Variants in AFF1 observed in about 807,000 individuals in gnomAD.
The protein encoded by AFF1 is ALF transcription elongation factor 1, also known as AF4/FMR2 family member 1.
AFF1 carries 48 observed loss-of-function variants against 121.7 expected under a neutral mutation model. The ratio of observed to expected loss-of-function variants is 0.39; its 90% CI spans 0.31 to 0.50. The LOEUF is 0.50. Among genes scored for constraint, AFF1 ranks in the 20% least tolerant of loss-of-function variants. The pLI is 0.76. For synonymous variants in AFF1, 613 were observed against 563.0 expected (o/e 1.09, Z -1.26); for missense variants, 1,523 against 1,511.7 (o/e 1.01, Z -0.12).
At chr4:87,120,849 A>G (rs114254545) in intron 12 of AFF1, among the ~76,000 whole-genome samples, 400 of 152,274 alleles carry the variant, frequency 2.6e-3, no homozygotes, top group Non-Finnish European at 3.7e-3. Context: ...GTTCTGGAAA[A>G]AGCCACCTTT....
chr4:87,030,448 A>C lies in AFF1; in HGVS notation c.39-15718A>C, dbSNP rs148912936. On this transcript the variant is annotated intron_variant, in intron 2 of 20. Transcript: ENST00000395146. ...TTTTATTTCTTGCTAACTTTAAGGAACATTTTAAAGTTGAAATTTAAAGAT... is the reference window on the plus strand; with the variant it reads ...TTTTATTTCTTGCTAACTTTAAGGACCATTTTAAAGTTGAAATTTAAAGAT... Among the ~76,000 whole-genome samples, 140 of 152,364 alleles carry C rather than the reference A, an allele frequency of 9.2e-4. 1 individual carries two copies. The highest frequency in any genetic ancestry group is 2.9e-3 in the African/African-American group (120 of 41,590).
At chr4:87,019,888 G>GA (rs1553918036) in intron 2 of AFF1, among the ~76,000 whole-genome samples, 29 of 41,456 alleles carry the variant, frequency 7.0e-4, no homozygotes, top group African/African-American at 1.3e-3. Context: ...AGGGGTCGGG[G>GA]GGGGGCAGTC....
intron 7 of AFF1, 53 bp downstream of exon 7, chr4:87,091,882 C>T: frequency 1.5e-6 from 2 of 1,335,276 alleles, no homozygotes; most frequent in South Asian, 1.4e-5. Flanking sequence ...ATAGCTTTTA[C>T]TGTTTAACGT....
chr4:87,069,808 C>A (rs1051304704), intron 4 of AFF1, among the ~76,000 whole-genome samples: 1 of 148,382 alleles, frequency 6.7e-6, no homozygotes, highest in African/African-American at 2.5e-5. Flanking sequence ...TATTCCTTAT[C>A]ACTCAGGATT....
chr4:87,040,871 CTTT>C (rs780348229), intron 2 of AFF1, among the ~76,000 whole-genome samples: 9 of 67,106 alleles, frequency 1.3e-4, no homozygotes, highest in African/African-American at 5.8e-4. Context: ...CCATGCCCTG[CTTT>C]TTTTTTTTTT....
chr4:87,105,624 C>A lies in AFF1; in HGVS notation c.1284-4C>A. The A allele has an allele frequency of 6.2e-7, 1 of 1,614,168 alleles. No homozygotes were observed. The highest frequency in any genetic ancestry group is 8.5e-7 in the Non-Finnish European group (1 of 1,180,036). On this transcript the variant is annotated splice_region_variant and splice_polypyrimidine_tract_variant and intron_variant, in intron 8 of 20. Coordinates refer to ENST00000395146, the MANE Select transcript of AFF1 (RefSeq NM_001166693.3). ...ATTCTTCTCTGTGTCCCTGCCCATT[C>A]CAGCATGCTCGAAGACGACCTTCAG...
rs530549229 is a variant in AFF1 at position 87,117,853 on chromosome 4, C to A, written c.2466+2554C>A. 1.1e-3 allele frequency among the ~76,000 whole-genome samples: 168 copies of A among 152,188 alleles called. 1 individual carries two copies. The highest frequency in any genetic ancestry group is 4.0e-3 in the African/African-American group (165 of 41,530). ...TTTCTGTAGAGGACAGGTTGTCCCC[C>A]CTTCCTCATTAGCGCCCTGACTGCT... On this transcript the variant is annotated intron_variant, in intron 12 of 20. Transcript: ENST00000395146.
In AFF1 at chr4:86,935,076, G is replaced by C. The variant is rs1748335769; in HGVS notation, c.-201G>C. On this transcript the variant is annotated 5_prime_UTR_variant, in exon 1 of 21. Coordinates refer to ENST00000395146, the MANE Select transcript of AFF1 (RefSeq NM_001166693.3). Reference sequence around the variant, plus strand: ...CTCGGCCGCCGCCTGCGCGCGTTGCGGCCGCAGCTGCACCTTTGCCTCCGC... The same window carrying C: ...CTCGGCCGCCGCCTGCGCGCGTTGCCGCCGCAGCTGCACCTTTGCCTCCGC... 1 of 152,054 alleles carries C rather than the reference G, an allele frequency of 6.6e-6. No homozygotes were observed. Among genetic ancestry groups the C allele is most frequent in the South Asian group, 2.1e-4 (1 of 4,832 alleles). 9.4% of individuals were successfully genotyped at this position (152,054 alleles called of 1,614,324 possible).
At chr4:86,960,304 G>A (rs574427977) in intron 2 of AFF1, among the ~76,000 whole-genome samples, 3 of 152,230 alleles carry the variant, frequency 2.0e-5, no homozygotes, top group African/African-American at 7.2e-5. Context: ...CAGGTATCCT[G>A]CATGTGTTGA....
chr4:86,986,070 T>C (rs1445434321), intron 2 of AFF1, among the ~76,000 whole-genome samples: 1 of 151,336 alleles, frequency 6.6e-6, no homozygotes. Context: ...TAATTTAATT[T>C]AATTTAATTT....
intron 2 of AFF1, among the ~76,000 whole-genome samples, chr4:87,010,779 G>GATACCTTCAAATACT: frequency 6.6e-6 from 1 of 152,110 alleles, no homozygotes; most frequent in East Asian, 1.9e-4. Flanking sequence ...TACTATCAGG[G>GATACCTTCAAATACT]ATTAGCCAGT....
intron 2 of AFF1, among the ~76,000 whole-genome samples, chr4:86,970,981 T>G (rs1218005711): frequency 1.3e-5 from 2 of 152,122 alleles, no homozygotes; most frequent in Non-Finnish European, 2.9e-5. Flanking sequence ...GGAAAGTTGT[T>G]GGAGTGAGAG....
At chr4:87,130,742 A>G (rs1452893584) in intron 16 of AFF1, among the ~76,000 whole-genome samples, 2 of 152,230 alleles carry the variant, frequency 1.3e-5, no homozygotes, top group African/African-American at 4.8e-5. Context: ...ATGTGGAATA[A>G]TCTGTTTCTC....
In AFF1 at chr4:87,083,056, T is replaced by C. The variant is rs570206854; in HGVS notation, c.1060-1064T>C. ...CTGTACTGTGCCCATGATGCCTGGC[T>C]CATGAATTGACACAGAGCAAGTTGC... On this transcript the variant is annotated intron_variant, in intron 4 of 20. Coordinates refer to ENST00000395146, the MANE Select transcript of AFF1 (RefSeq NM_001166693.3). Among the ~76,000 whole-genome samples the C allele has an allele frequency of 1.1e-4, 16 of 152,356 alleles. 1 individual carries two copies. In the South Asian group the frequency reaches 3.3e-3, roughly 32 times the overall value.
At chr4:86,953,145 A>G (rs970594924) in intron 2 of AFF1, among the ~76,000 whole-genome samples, 7 of 152,034 alleles carry the variant, frequency 4.6e-5, no homozygotes, top group Middle Eastern at 3.4e-3. Context: ...TGTTTTTATT[A>G]TTTGTTACTT....
intron 2 of AFF1, among the ~76,000 whole-genome samples, chr4:86,995,274 CTCCCCCTCTCCCT>C (rs1164498938): frequency 4.2e-5 from 1 of 23,632 alleles, no homozygotes; most frequent in African/African-American, 6.5e-5. Flanking sequence ...CCCCTTCCCC[CTCCCCCTCTCCCT>C]CCCCCTCTCC....
At chr4:86,978,984 A>G (rs1228575251) in intron 2 of AFF1, among the ~76,000 whole-genome samples, 3 of 152,198 alleles carry the variant, frequency 2.0e-5, no homozygotes, top group South Asian at 2.1e-4. Flanking sequence ...CCAGAAAACT[A>G]TTCCTCTAGT....
Position 86,996,494 on chromosome 4 carries a change from G to T in AFF1, c.38+47923G>T, listed in dbSNP as rs1725212505. On this transcript the variant is annotated intron_variant, in intron 2 of 20. Coordinates refer to ENST00000395146, the MANE Select transcript of AFF1 (RefSeq NM_001166693.3). ...GTTGAATGGATTAAGGGCGGTGCAAGATGTGCTTTGTTAAACAGATGCTTG... is the reference window on the plus strand; with the variant it reads ...GTTGAATGGATTAAGGGCGGTGCAATATGTGCTTTGTTAAACAGATGCTTG... Among the ~76,000 whole-genome samples the T allele has an allele frequency of 2.0e-5, 3 of 151,630 alleles. No homozygotes were observed. The South Asian group carries it at 6.3e-4, about 32-fold the overall frequency.
chr4:87,002,958 A>G (rs1197551259), intron 2 of AFF1, among the ~76,000 whole-genome samples: 2 of 152,162 alleles, frequency 1.3e-5, no homozygotes, highest in Non-Finnish European at 2.9e-5. Flanking sequence ...GTTCAGTTTC[A>G]CTGCTGATGA....
Sources: gnomAD v4.1 joint callset for allele counts (sites outside exome capture counted in the v4.1 genomes callset) on GRCh38, gnomAD v4.1.1 for gene constraint, MANE v1.5 for transcripts, NCBI Gene and HGNC (gene_info 2026-07-23, HGNC 2026-07-21) for gene names.